SGK3: variants seen among roughly 807,000 people sequenced by gnomAD.
SGK3 encodes the protein serum/glucocorticoid regulated kinase family member 3.
Under a neutral mutation model 68.5 loss-of-function variants are expected in SGK3, and 47 were observed. The observed-to-expected ratio is 0.69, with a 90% CI of 0.54 to 0.87. The LOEUF is 0.87. SGK3 is among the 40% of genes least tolerant of loss of function. SGK3 has a pLI of 0.00. For synonymous variants in SGK3, 181 were observed against 189.1 expected (o/e 0.96, Z 0.35); for missense variants, 479 against 575.5 (o/e 0.83, Z 1.72).
In SGK3 at chr8:66,768,898, A is replaced by G. The variant is rs544549695; in HGVS notation, c.-121-24718A>G. ...ACTTGTACTATTTCTGATGAGAAAT[A>G]TGCTGACATTTTTACCTTTGTTCCT... On this transcript the variant is annotated intron_variant, in intron 1 of 16. Coordinates refer to ENST00000521198, the MANE Select transcript of SGK3 (RefSeq NM_001033578.3). Among the ~76,000 whole-genome samples the G allele has an allele frequency of 1.7e-4, 26 of 152,294 alleles. No individual in the cohort carries two copies. In the South Asian group the frequency reaches 4.1e-3, roughly 24 times the overall value.
chr8:66,792,717 GA>G (rs928900415), intron 1 of SGK3, among the ~76,000 whole-genome samples: 1 of 151,696 alleles, frequency 6.6e-6, no homozygotes. Flanking sequence ...TGTCTCTTAA[GA>G]AAAAAACAAA....
intron 1 of SGK3, among the ~76,000 whole-genome samples, chr8:66,745,990 C>CA (rs1416055311): frequency 1.3e-5 from 2 of 152,062 alleles, no homozygotes; most frequent in Admixed American, 1.3e-4. Context: ...TTGGAGGGGA[C>CA]AAAACGTTCA....
intron 1 of SGK3, among the ~76,000 whole-genome samples, chr8:66,783,392 C>T (rs958625640): frequency 1.3e-5 from 2 of 152,020 alleles, no homozygotes; most frequent in African/African-American, 4.8e-5. Context: ...ATGTTTTCTT[C>T]CAGTCTGTGG....
intron 1 of SGK3, among the ~76,000 whole-genome samples, chr8:66,751,110 TA>T (rs929844877): frequency 6.6e-6 from 1 of 151,748 alleles, no homozygotes; most frequent in African/African-American, 2.4e-5. Flanking sequence ...CCATCCTAGC[TA>T]ACACACGGTG....
intron 4 of SGK3, among the ~76,000 whole-genome samples, chr8:66,811,247 G>A (rs903386656): frequency 7.2e-5 from 11 of 152,004 alleles, no homozygotes; most frequent in African/African-American, 2.7e-4. Context: ...CAAACTCCTG[G>A]CCTCAAGTGA....
At chr8:66,724,920 C>T (rs1157857618) in intron 1 of SGK3, among the ~76,000 whole-genome samples, 5 of 151,958 alleles carry the variant, frequency 3.3e-5, no homozygotes, top group East Asian at 1.9e-4. Flanking sequence ...GACGAAACCC[C>T]GTCTCTACTA....
chr8:66,825,161 C>A (rs749287530), intron 6 of SGK3, among the ~76,000 whole-genome samples: 1 of 152,184 alleles, frequency 6.6e-6, no homozygotes, highest in East Asian at 1.9e-4. Flanking sequence ...TGGGTTCTGC[C>A]GCTGTTGGCT....
chr8:66,733,333 T>A (rs1209316909), intron 1 of SGK3, among the ~76,000 whole-genome samples: 2 of 152,324 alleles, frequency 1.3e-5, no homozygotes, highest in South Asian at 4.1e-4. Flanking sequence ...AAATACATCT[T>A]CTTCAGTAGT....
chr8:66,825,750 A>T (rs1255338422), intron 6 of SGK3, among the ~76,000 whole-genome samples: 1 of 152,202 alleles, frequency 6.6e-6, no homozygotes, highest in East Asian at 1.9e-4. Context: ...ATTAGTATTC[A>T]TTCTGTTAAT....
chr8:66,719,074 C>A (rs1052878178), intron 1 of SGK3, among the ~76,000 whole-genome samples: 1 of 151,862 alleles, frequency 6.6e-6, no homozygotes, highest in African/African-American at 2.4e-5. Flanking sequence ...GAGACCCTAT[C>A]CCCCCCAATA....
chr8:66,801,252 CAAAAAGTTATT>C (rs1395714962), intron 3 of SGK3, among the ~76,000 whole-genome samples: 5 of 152,116 alleles, frequency 3.3e-5, no homozygotes, highest in Admixed American at 2.6e-4. Flanking sequence ...TTTGAGCACT[CAAAAAGTTATT>C]GGTTTTGGAG....
At chr8:66,858,201 C>T (rs960797061) in intron 16 of SGK3, among the ~76,000 whole-genome samples, 15 of 152,152 alleles carry the variant, frequency 9.9e-5, no homozygotes, top group Non-Finnish European at 1.6e-4. Context: ...TGCGGTGGCT[C>T]ACGCCTGTAA....
At chr8:66,731,660 G>A (rs1365398414) in intron 1 of SGK3, among the ~76,000 whole-genome samples, 2 of 151,982 alleles carry the variant, frequency 1.3e-5, no homozygotes, top group East Asian at 1.9e-4. Context: ...TCAGCCTCCC[G>A]AGTAGCTGGG....
At chr8:66,732,349 A>G (rs1475854197) in intron 1 of SGK3, among the ~76,000 whole-genome samples, 1 of 152,170 alleles carries the variant, frequency 6.6e-6, no homozygotes, top group Non-Finnish European at 1.5e-5. Context: ...TTAGCTGGGC[A>G]TGCTGGTGTG....
At chr8:66,800,610 G>T (rs932010351) in intron 3 of SGK3, among the ~76,000 whole-genome samples, 1 of 151,942 alleles carries the variant, frequency 6.6e-6, no homozygotes, top group Non-Finnish European at 1.5e-5. Context: ...ATCAAACAAT[G>T]TCTAGCTGTA....
chr8:66,759,669 G>C (rs955841700), intron 1 of SGK3, among the ~76,000 whole-genome samples: 2 of 151,808 alleles, frequency 1.3e-5, no homozygotes, highest in African/African-American at 4.8e-5. Flanking sequence ...TTGTTTGTTT[G>C]TTTGTTTGTT....
chr8:66,816,799 C>T (rs1412007700), intron 5 of SGK3, among the ~76,000 whole-genome samples: 1 of 152,020 alleles, frequency 6.6e-6, no homozygotes, highest in African/African-American at 2.4e-5. Context: ...TCCTATATAC[C>T]TGTTATTACT....
chr8:66,804,893 C>T, intron 4 of SGK3, among the ~76,000 whole-genome samples: 1 of 151,920 alleles, frequency 6.6e-6, no homozygotes, highest in East Asian at 1.9e-4. Flanking sequence ...GTTTTGAGAC[C>T]AGCCTGGGCA....
intron 1 of SGK3, among the ~76,000 whole-genome samples, chr8:66,780,159 A>G (rs966484800): frequency 2.0e-5 from 3 of 152,234 alleles, no homozygotes; most frequent in Non-Finnish European, 2.9e-5. Flanking sequence ...ATATTAGTAC[A>G]TATAGTACTT....
Sources: allele counts gnomAD v4.1 joint callset (sites outside exome capture counted in the v4.1 genomes callset), GRCh38; gene constraint gnomAD v4.1.1; transcripts MANE v1.5; gene names NCBI Gene and HGNC (gene_info 2026-07-23, HGNC 2026-07-21).